Variants in VIRMA observed in about 807,000 individuals in gnomAD.
The protein encoded by VIRMA is protein virilizer homolog.
In VIRMA, 65 loss-of-function variants were observed where a neutral mutation model predicts 182.4. The ratio of observed to expected loss-of-function variants is 0.36; its 90% CI spans 0.29 to 0.44. The LOEUF is 0.44. Ranked by LOEUF, VIRMA falls within the 20% of genes least tolerant of loss-of-function variation. The pLI is 1.00. For synonymous variants in VIRMA, 709 were observed against 743.1 expected (o/e 0.95, Z 0.75); for missense variants, 1,752 against 2,158.1 (o/e 0.81, Z 3.73).
chr8:94,538,222 T>A (rs2130377200), intron 3 of VIRMA, 38 bp downstream of exon 3: 1 of 1,313,864 alleles, frequency 7.6e-7, no homozygotes, highest in East Asian at 2.3e-5. Context: ...GCTTACTAAC[T>A]CATGAGTTTC....
intron 16 of VIRMA, among the ~76,000 whole-genome samples, chr8:94,505,161 C>T (rs1429025392): frequency 2.0e-5 from 3 of 152,028 alleles, no homozygotes; most frequent in Non-Finnish European, 4.4e-5. Flanking sequence ...GAAGCAGGTG[C>T]CATCAACTGA....
At chr8:94,528,945 T>C (rs1815061262) in intron 7 of VIRMA, 125 bp downstream of exon 7, 1 of 1,213,862 alleles carries the variant, frequency 8.2e-7, no homozygotes, top group African/African-American at 1.5e-5. Context: ...GAGGCCTAGC[T>C]ACATTCTGAC....
rs781143009 is a variant in VIRMA at position 94,489,938 on chromosome 8, C to T, written c.5284+1G>A. The stretch of plus-strand genomic sequence containing the variant: ...CAATATCAAGTAGCAAGGATGTATA[C>T]CTGTAGAACTAAGGGGTCGTAATGG... On this transcript the variant is annotated splice_donor_variant, in intron 23 of 23. Transcript: ENST00000297591. LOFTEE classifies it high-confidence loss of function. 6.2e-7 allele frequency: 1 copy of T among 1,612,658 alleles called. No individual in the cohort carries two copies. The highest frequency in any genetic ancestry group is 1.7e-5 in the Admixed American group (1 of 59,646).
chr8:94,539,562 A>G (rs923329685), intron 2 of VIRMA, among the ~76,000 whole-genome samples: 1 of 152,252 alleles, frequency 6.6e-6, no homozygotes, highest in Non-Finnish European at 1.5e-5. Flanking sequence ...CCAAATGTTA[A>G]TAACTATAAT....
At chr8:94,500,352 T>C (rs1365508925) in intron 16 of VIRMA, among the ~76,000 whole-genome samples, 2 of 152,170 alleles carry the variant, frequency 1.3e-5, no homozygotes, top group Non-Finnish European at 2.9e-5. Flanking sequence ...TGAGCCGAGA[T>C]TGTGCCACTG....
Position 94,517,871 on chromosome 8 carries a change from G to C in VIRMA, c.2585C>G (p.Ser862Cys). 1.2e-6 allele frequency: 2 copies of C among 1,612,196 alleles called. No homozygotes were observed. Among genetic ancestry groups the C allele is most frequent in the Non-Finnish European group, 1.7e-6 (2 of 1,178,514 alleles). ...TTGTTCTAGCATTTGAACATCACTGGAAGACTGAACCACCACCAAAATAAG... is the reference window on the plus strand; with the variant it reads ...TTGTTCTAGCATTTGAACATCACTGCAAGACTGAACCACCACCAAAATAAG... Reference protein sequence around the residue: ...CILILVVVQSSSDVQMLEQHA... With the variant: ...CILILVVVQSCSDVQMLEQHA... Residue 862 changes from serine to cysteine, a missense_variant, in exon 10 of 24, where the codon TCC becomes TGC. By Grantham distance (112) the Ser-to-Cys change is moderately radical. This residue lies in a region of VIRMA where 777 missense variants were observed against 920.6 expected (regional missense o/e 0.84). Transcript: ENST00000297591.
Position 94,548,417 on chromosome 8 carries a change from T to C in VIRMA, c.64-4475A>G, listed in dbSNP as rs188338812. Among the ~76,000 whole-genome samples, 28 of 150,944 alleles carry C rather than the reference T, an allele frequency of 1.9e-4. No individual in the cohort carries two copies. The East Asian group carries it at 4.8e-3, about 26-fold the overall frequency. ...ACTAGAGGATTTGGAAAAATATTAA[T>C]ATAAAGACAGCTGTTAATTACAGTG... On this transcript the variant is annotated intron_variant, in intron 1 of 23. Coordinates refer to ENST00000297591, the MANE Select transcript of VIRMA (RefSeq NM_015496.5).
At position 94,509,625 on chromosome 8, in the gene VIRMA, T is replaced by TACACAC. The variant is rs138207070; in HGVS notation, c.3879+57_3879+62dup. The TACACAC allele has an allele frequency of 1.9e-4, 274 of 1,412,866 alleles. 1 individual carries two copies. The African/African-American group carries it at 3.3e-3, about 17-fold the overall frequency. 87.5% of individuals were successfully genotyped at this position (1,412,866 alleles called of 1,614,324 possible). On this transcript the variant is annotated intron_variant, in intron 15 of 23. Transcript: ENST00000297591. ...CAAAATTTACATCAAGATGCTTAAA[T>TACACAC]ACACACACACACACACACACATACA...
intron 8 of VIRMA, among the ~76,000 whole-genome samples, chr8:94,522,267 C>G (rs1814800717): frequency 6.6e-6 from 1 of 152,146 alleles, no homozygotes; most frequent in Admixed American, 6.5e-5. Flanking sequence ...CCTCAACAGG[C>G]AACACTTCAC....
At chr8:94,491,539 A>G (rs1414176252) in intron 22 of VIRMA, 39 bp downstream of exon 22, 3 of 1,495,524 alleles carry the variant, frequency 2.0e-6, no homozygotes, top group East Asian at 2.3e-5. Flanking sequence ...TAACATTCCA[A>G]TATTCTAACC....
chr8:94,533,633 T>TTTTGG (rs1554558910), intron 5 of VIRMA: 5 of 144,072 alleles, frequency 3.5e-5, no homozygotes, highest in African/African-American at 1.3e-4. Context: ...TTTTTTTTTT[T>TTTTGG]GGGAGGGGCA....
Position 94,496,319 on chromosome 8 carries a change from CTT to C in VIRMA, c.4383+7_4383+8del. ...GGCCTTAAGAACGCTCTGTTTTTTTCTTTTTTACCAAAACAAGCTTCTCTAGT... is the reference window on the plus strand; with the variant it reads ...GGCCTTAAGAACGCTCTGTTTTTTTCTTTTACCAAAACAAGCTTCTCTAGT... On this transcript the variant is annotated splice_region_variant and intron_variant, in intron 18 of 23. Coordinates refer to ENST00000297591, the MANE Select transcript of VIRMA (RefSeq NM_015496.5). The C allele has an allele frequency of 6.2e-7, 1 of 1,600,306 alleles. No homozygotes were observed. Among genetic ancestry groups the C allele is most frequent in the South Asian group, 1.1e-5 (1 of 87,902 alleles).
rs1191224493 is a variant in VIRMA, at chr8:94,490,069, A to G, written c.5154T>C (p.Arg1718=). The G allele has an allele frequency of 1.2e-6, 2 of 1,610,668 alleles. No individual in the cohort carries two copies. The highest frequency in any genetic ancestry group is 1.7e-6 in the Non-Finnish European group (2 of 1,179,134). The part of the protein sequence containing the change: ...TPPASKGNYS[R]REGTRGSSWS... Reference sequence around the variant, plus strand: ...AACTGGAGCCTCTTGTTCCTTCCCGACGACTGTAGTTTCCTAAACACAAAC... The same window carrying G: ...AACTGGAGCCTCTTGTTCCTTCCCGGCGACTGTAGTTTCCTAAACACAAAC... The change falls in exon 23 of 24, where the codon CGT becomes CGC. Residue 1718 remains arginine, a synonymous_variant. Transcript: ENST00000297591.
intron 20 of VIRMA, 67 bp from the exon 21 acceptor site, chr8:94,492,885 A>G: frequency 8.1e-7 from 1 of 1,235,326 alleles, no homozygotes; most frequent in Non-Finnish European, 1.1e-6. Context: ...TTGACTACAG[A>G]AATTCTTATT....
chr8:94,526,345 T>A lies in VIRMA; in HGVS notation c.1899A>T (p.Glu633Asp), dbSNP rs1188956049. 1 of 1,614,092 alleles carries A rather than the reference T, an allele frequency of 6.2e-7. No homozygotes were observed. The highest frequency in any genetic ancestry group is 2.2e-5 in the East Asian group (1 of 44,878). Residue 633 changes from glutamate (E) to aspartate (D), a missense_variant, in exon 8 of 24, where the codon GAA becomes GAT. Physicochemically the swap from Glu to Asp is conservative, Grantham distance 45. Coordinates refer to ENST00000297591, the MANE Select transcript of VIRMA (RefSeq NM_015496.5). ...EIERLINLLE[E>D]VFHLMETAPH... ...GGGCAGTTTCCATTAAATGAAAAAC[T>A]TCTTCTAGGAGGTTAATAAGCCTTT... is the stretch of plus-strand genomic sequence containing the variant.
chr8:94,539,248 C>T (rs939395477), intron 2 of VIRMA, among the ~76,000 whole-genome samples: 3 of 152,142 alleles, frequency 2.0e-5, no homozygotes, highest in Non-Finnish European at 2.9e-5. Context: ...TGTGTAATTA[C>T]AATTTCAACT....
chr8:94,511,490 T>G lies in VIRMA; in HGVS notation c.3085A>C (p.Lys1029Gln). Residue 1029 changes from lysine to glutamine, a missense_variant, in exon 13 of 24, where the codon AAG becomes CAG. This residue lies in a region of VIRMA where 777 missense variants were observed against 920.6 expected (regional missense o/e 0.84). Coordinates refer to ENST00000297591, the MANE Select transcript of VIRMA (RefSeq NM_015496.5). ...AGCGCTGAAGGAACACGCATGTCCT[T>G]AAACTCAAAGGATCCACCTCTCAGG... The part of the protein sequence containing the change: ...ELLRGGSFEF[K>Q]DMRVPSALVT... 1.9e-6 allele frequency: 3 copies of G among 1,614,150 alleles called. No homozygotes were observed. The highest frequency in any genetic ancestry group is 2.5e-6 in the Non-Finnish European group (3 of 1,180,018).
chr8:94,490,731 C>T (rs1813578624), intron 22 of VIRMA, among the ~76,000 whole-genome samples: 1 of 151,884 alleles, frequency 6.6e-6, no homozygotes, highest in South Asian at 2.1e-4. Flanking sequence ...CCTATAATCC[C>T]AGTTACTCGG....
rs1285460893 is a variant in VIRMA, at chr8:94,538,296, C to T, written c.230G>A (p.Ser77Asn). 1 of 1,613,352 alleles carries T rather than the reference C, an allele frequency of 6.2e-7. No homozygotes were observed. Among genetic ancestry groups the T allele is most frequent in the African/African-American group, 1.3e-5 (1 of 74,922 alleles). Reference protein sequence around the residue: ...FQLDLFFNNVSKPSAPVFDRL... With the variant: ...FQLDLFFNNVNKPSAPVFDRL... ...ATCGAAAACAGGGGCACTTGGTTTG[C>T]TTACATTGTTGAAGAATAAGTCTAA... Residue 77 changes from serine to asparagine, a missense_variant, in exon 3 of 24, where the codon AGC becomes AAC. Ser to Asn is a conservative substitution (Grantham distance 46, BLOSUM62 1). Transcript: ENST00000297591.
Sources: allele counts gnomAD v4.1 joint callset (sites outside exome capture counted in the v4.1 genomes callset), GRCh38; gene constraint gnomAD v4.1.1; regional missense constraint gnomAD v4.1.1; transcripts MANE v1.5; gene names NCBI Gene and HGNC (gene_info 2026-07-23, HGNC 2026-07-21).